MEIS2: variants seen among roughly 807,000 people sequenced by gnomAD.
The protein encoded by MEIS2 is homeobox protein Meis2.
In MEIS2, 9 loss-of-function variants were observed where a neutral mutation model predicts 58.6. The observed-to-expected ratio is 0.15, with a 90% CI of 0.09 to 0.27. The LOEUF (loss-of-function observed/expected upper bound fraction) is 0.27. MEIS2 is among the 10% of genes least tolerant of loss of function. The pLI is 1.00. For missense variants in MEIS2, 427 were observed against 635.0 expected, an observed-to-expected ratio of 0.67 and a Z score of 3.52; for synonymous variants, 221 against 228.4, an observed-to-expected ratio of 0.97 and a Z score of 0.29.
intron 7 of MEIS2, among the ~76,000 whole-genome samples, chr15:37,073,243 A>G (rs1890945802): frequency 6.6e-6 from 1 of 152,164 alleles, no homozygotes; most frequent in South Asian, 2.1e-4. Flanking sequence ...ACATTCAGAA[A>G]TATTGCTGCT....
chr15:36,974,034 C>T (rs767306985), intron 8 of MEIS2, among the ~76,000 whole-genome samples: 4 of 152,130 alleles, frequency 2.6e-5, no homozygotes, highest in Non-Finnish European at 4.4e-5. Flanking sequence ...CTATCTTTGA[C>T]CTTGAAAACT....
chr15:36,944,331 G>A (rs539160317), intron 9 of MEIS2, among the ~76,000 whole-genome samples: 6 of 151,908 alleles, frequency 3.9e-5, no homozygotes, highest in African/African-American at 1.4e-4. Flanking sequence ...ATAATTGTAG[G>A]TCTCCAAGAA....
chr15:37,010,139 G>C (rs903577886), intron 8 of MEIS2, among the ~76,000 whole-genome samples: 84 of 152,140 alleles, frequency 5.5e-4, no homozygotes, highest in Non-Finnish European at 1.5e-4. Flanking sequence ...CCAGGCTGGA[G>C]TGCAGTGGCG....
chr15:36,909,991 C>T (rs1211688433), intron 9 of MEIS2, among the ~76,000 whole-genome samples: 10 of 152,110 alleles, frequency 6.6e-5, no homozygotes, highest in South Asian at 4.2e-4. Flanking sequence ...TTGCTTGAGC[C>T]GCGCAGTTTG....
intron 8 of MEIS2, among the ~76,000 whole-genome samples, chr15:36,997,656 T>C (rs574607898): frequency 2.6e-5 from 4 of 151,514 alleles, no homozygotes; most frequent in South Asian, 2.1e-4. Flanking sequence ...ATTTTTTTTG[T>C]ATTTTTACTA....
intron 9 of MEIS2, among the ~76,000 whole-genome samples, chr15:36,932,302 G>C (rs1401217116): frequency 1.3e-5 from 2 of 152,192 alleles, no homozygotes; most frequent in Non-Finnish European, 2.9e-5. Flanking sequence ...CTGTGCATAT[G>C]ATGCGCCCTG....
intron 8 of MEIS2, among the ~76,000 whole-genome samples, chr15:37,035,060 T>C (rs1008262391): frequency 3.3e-5 from 5 of 152,106 alleles, no homozygotes; most frequent in Non-Finnish European, 5.9e-5. Context: ...TGTTGAAGTG[T>C]TTATTTTCGA....
intron 8 of MEIS2, among the ~76,000 whole-genome samples, chr15:37,016,871 A>G (rs2061367438): frequency 2.0e-5 from 3 of 152,358 alleles, no homozygotes; most frequent in African/African-American, 7.2e-5. Flanking sequence ...TTTTATCGTG[A>G]AGGCACACAC....
intron 9 of MEIS2, among the ~76,000 whole-genome samples, chr15:36,924,642 C>A (rs977796228): frequency 1.1e-4 from 17 of 152,168 alleles, no homozygotes; most frequent in African/African-American, 4.1e-4. Flanking sequence ...ATACGAGGCA[C>A]CGAACTTGAC....
At chr15:37,079,128 G>C (rs1245887891) in intron 7 of MEIS2, among the ~76,000 whole-genome samples, 1 of 151,962 alleles carries the variant, frequency 6.6e-6, no homozygotes, top group East Asian at 1.9e-4. Flanking sequence ...ATTTTATTTG[G>C]GGGGAGAAAA....
At position 37,038,391 on chromosome 15, in the gene MEIS2, T is replaced by C. The variant is rs187551005; in HGVS notation, c.755-1432A>G. Among the ~76,000 whole-genome samples, 228 of 152,320 alleles carry C rather than the reference T, an allele frequency of 1.5e-3. 1 individual carries two copies. The highest frequency in any genetic ancestry group is 2.7e-3 in the Non-Finnish European group (187 of 68,022). The stretch of plus-strand genomic sequence containing the variant: ...CTGTGGGCTTCCCTGTACCTGTTCT[T>C]TTCCTTTCTTGCCAAAAAACCCTCA... On this transcript the variant is annotated intron_variant, in intron 7 of 11. Coordinates refer to ENST00000561208, the MANE Select transcript of MEIS2 (RefSeq NM_170675.5).
chr15:37,038,857 G>T (rs2062284952), intron 7 of MEIS2, among the ~76,000 whole-genome samples: 1 of 152,200 alleles, frequency 6.6e-6, no homozygotes, highest in African/African-American at 2.4e-5. Context: ...CCAAGCTCGT[G>T]CAGGGACACG....
At chr15:36,944,954 T>A (rs2058509674) in intron 9 of MEIS2, among the ~76,000 whole-genome samples, 1 of 152,060 alleles carries the variant, frequency 6.6e-6, no homozygotes, top group Non-Finnish European at 1.5e-5. Context: ...TGGCCAATTA[T>A]TCCATATGTT....
chr15:36,953,080 G>A (rs2058819259), intron 8 of MEIS2, among the ~76,000 whole-genome samples: 2 of 152,032 alleles, frequency 1.3e-5, no homozygotes. Flanking sequence ...GGGGTGGACT[G>A]TTTACCTCAA....
chr15:36,961,598 T>C (rs920464818), intron 8 of MEIS2, among the ~76,000 whole-genome samples: 1 of 152,180 alleles, frequency 6.6e-6, no homozygotes, highest in Admixed American at 6.5e-5. Flanking sequence ...GTTTATAGTT[T>C]ACTTAAATAT....
chr15:36,915,142 C>T (rs1793798642), intron 9 of MEIS2, among the ~76,000 whole-genome samples: 2 of 150,326 alleles, frequency 1.3e-5, no homozygotes, highest in African/African-American at 4.9e-5. Context: ...GCCTAGTTTA[C>T]AATTTGTTTT....
chr15:37,088,695 T>G (rs1893176682), intron 6 of MEIS2, among the ~76,000 whole-genome samples: 1 of 152,174 alleles, frequency 6.6e-6, no homozygotes, highest in Middle Eastern at 3.2e-3. Context: ...TCTATTAAGC[T>G]TTGGGATTAA....
intron 8 of MEIS2, among the ~76,000 whole-genome samples, chr15:37,025,718 G>A (rs565837187): frequency 7.3e-6 from 1 of 137,916 alleles, no homozygotes; most frequent in Admixed American, 7.3e-5. Context: ...AAGGACCAAA[G>A]AGCATGAAAT....
chr15:36,950,586 C>T (rs1054363972), intron 8 of MEIS2, among the ~76,000 whole-genome samples, 186 bp from the exon 9 acceptor site: 6 of 151,962 alleles, frequency 3.9e-5, no homozygotes, highest in African/African-American at 1.4e-4. Flanking sequence ...ATTAGCAGCC[C>T]CATGTTTCTG....
Sources: allele counts gnomAD v4.1 joint callset (sites outside exome capture counted in the v4.1 genomes callset), GRCh38; gene constraint gnomAD v4.1.1; transcripts MANE v1.5; gene names NCBI Gene and HGNC (gene_info 2026-07-23, HGNC 2026-07-21).